Variants in MYOT observed in about 807,000 individuals in gnomAD.
MYOT encodes 57 kDa cytoskeletal protein.
MYOT carries 36 observed loss-of-function variants against 58.0 expected under a neutral mutation model. That is an observed-to-expected ratio of 0.62 (90% CI 0.48 to 0.82). MYOT has a LOEUF of 0.82. Among genes scored for constraint, MYOT ranks in the 40% least tolerant of loss-of-function variants. The probability of loss-of-function intolerance (pLI) is 0.00; values close to 1 mark genes in which losing one functional copy is unlikely to be tolerated. For synonymous variants in MYOT, 218 were observed against 204.6 expected (o/e 1.07, Z -0.56); for missense variants, 505 against 592.1 (o/e 0.85, Z 1.53).
intron 6 of MYOT, 104 bp downstream of exon 6, chr5:137,882,209 A>C: frequency 2.4e-6 from 3 of 1,257,360 alleles, no homozygotes; most frequent in African/African-American, 1.5e-5. Flanking sequence ...AGTACGTACA[A>C]TGGACAAGAA....
Position 137,887,292 on chromosome 5 carries a change from G to C in MYOT, c.1404G>C (p.Gly468=), listed in dbSNP as rs200075800. The change falls in exon 10 of 10, where the codon GGG becomes GGC. Residue 468 remains glycine (G), a synonymous_variant. Transcript: ENST00000239926. The stretch of plus-strand genomic sequence containing the variant: ...TCAGCAAATATTTAGCACTTAATGG[G>C]AAAGGTTTGAATGTAAAACAAGCTT... ...PTFSKYLALN[G]KGLNVKQAFN... The C allele has an allele frequency of 6.8e-6, 11 of 1,614,034 alleles. No individual in the cohort carries two copies. The Admixed American group carries it at 1.7e-4, about 24-fold the overall frequency.
In MYOT at chr5:137,872,907, A is replaced by T. The variant is rs529256668; in HGVS notation, c.356+1900A>T. On this transcript the variant is annotated intron_variant, in intron 2 of 9. Transcript: ENST00000239926. ...CTTCAATTTTCTGGTCTGTAGCAAT[A>T]TTAAAGAGTTAGGTAATTAATGATA... 3.9e-5 allele frequency among the ~76,000 whole-genome samples: 6 copies of T among 152,316 alleles called. No homozygotes were observed. In the South Asian group the frequency reaches 1.2e-3, roughly 32 times the overall value.
At chr5:137,875,018 C>G (rs1755165515) in intron 2 of MYOT, among the ~76,000 whole-genome samples, 1 of 152,182 alleles carries the variant, frequency 6.6e-6, no homozygotes, top group Non-Finnish European at 1.5e-5. Flanking sequence ...GTAAATATTT[C>G]CACCACAACC....
intron 1 of MYOT, among the ~76,000 whole-genome samples, chr5:137,868,184 C>T (rs1218893941): frequency 6.6e-6 from 1 of 152,102 alleles, no homozygotes; most frequent in Non-Finnish European, 1.5e-5. Context: ...ATTTTTAAAT[C>T]ACCATTTTTC....
In MYOT at chr5:137,887,379, A is replaced by T. The variant is rs4835657; in HGVS notation, c.1491A>T (p.Glu497Asp). ...AAQSGLYESE[E>D]L The stretch of plus-strand genomic sequence containing the variant: ...AATCTGGACTCTATGAAAGTGAAGA[A>T]CTTTAATAACTTTACCAACATTGGA... The change falls in exon 10 of 10, where the codon GAA becomes GAT. Residue 497 changes from glutamate (E) to aspartate (D), a missense_variant. By Grantham distance (45) the Glu-to-Asp change is conservative. Coordinates refer to ENST00000239926, the MANE Select transcript of MYOT (RefSeq NM_006790.3). 6.2e-7 allele frequency: 1 copy of T among 1,613,934 alleles called. No homozygotes were observed. Among genetic ancestry groups the T allele is most frequent in the South Asian group, 1.1e-5 (1 of 91,062 alleles).
intron 7 of MYOT, among the ~76,000 whole-genome samples, chr5:137,885,771 CAAAAAAAAAAAAAAAAAAA>C (rs71583286): frequency 6.5e-5 from 2 of 30,974 alleles, no homozygotes; most frequent in African/African-American, 2.1e-4. Context: ...GACTCTGTCT[CAAAAAAAAAAAAAAAAAAA>C]AAAAAAAAAA....
Position 137,871,049 on chromosome 5 carries a change from T to A in MYOT, c.356+42T>A, listed in dbSNP as rs777058671. On this transcript the variant is annotated intron_variant, in intron 2 of 9. Transcript: ENST00000239926. ...ATACCGCATGTACAGTGAACTTATATCTGAGGAGTTTGCGAGGGGGTAGGA... is the reference window on the plus strand; with the variant it reads ...ATACCGCATGTACAGTGAACTTATAACTGAGGAGTTTGCGAGGGGGTAGGA... 5 of 1,555,614 alleles carry A rather than the reference T, an allele frequency of 3.2e-6. No individual in the cohort carries two copies. The East Asian group carries it at 1.1e-4, about 36-fold the overall frequency.
At chr5:137,881,670 C>T (rs879268030) in intron 5 of MYOT, among the ~76,000 whole-genome samples, 10 of 152,054 alleles carry the variant, frequency 6.6e-5, no homozygotes, top group Admixed American at 2.0e-4. Flanking sequence ...TATAGAAAAA[C>T]GTCAAAAACT....
chr5:137,878,472 G>C (rs1356545850), intron 4 of MYOT, among the ~76,000 whole-genome samples: 1 of 151,940 alleles, frequency 6.6e-6, no homozygotes, highest in Non-Finnish European at 1.5e-5. Context: ...TTATAGGCAT[G>C]AGCCACCACG....
chr5:137,883,536 T>G lies in MYOT; in HGVS notation c.969T>G (p.Cys323Trp). The G allele has an allele frequency of 6.2e-7, 1 of 1,614,204 alleles. No individual in the cohort carries two copies. The highest frequency in any genetic ancestry group is 8.5e-7 in the Non-Finnish European group (1 of 1,180,030). ...VRASDAGAYACVAKNRAGEAT... is the reference protein window; with the variant it reads ...VRASDAGAYAWVAKNRAGEAT... ...CTTCAGATGCAGGGGCTTATGCATG[T>G]GTTGCCAAGAATAGAGCAGGAGAAG... The change falls in exon 7 of 10, where the codon TGT (cysteine) becomes TGG (tryptophan). Residue 323 changes from cysteine (C) to tryptophan (W), a missense_variant. Cys to Trp is a radical substitution (Grantham distance 215). Coordinates refer to ENST00000239926, the MANE Select transcript of MYOT (RefSeq NM_006790.3).
chr5:137,874,997 A>G (rs1326717520), intron 2 of MYOT, among the ~76,000 whole-genome samples: 1 of 152,192 alleles, frequency 6.6e-6, no homozygotes, highest in Non-Finnish European at 1.5e-5. Context: ...ATATTTACCG[A>G]TTTCCCTGGT....
chr5:137,870,288 GAC>G (rs35301804), intron 1 of MYOT, among the ~76,000 whole-genome samples, 151 bp from the exon 2 acceptor site: 1,431 of 127,052 alleles, frequency 0.011, 11 homozygotes, highest in East Asian at 0.02. Flanking sequence ...GATTAAGCAA[GAC>G]ACACACACAC....
At chr5:137,876,978 A>G (rs1270282671) in intron 3 of MYOT, among the ~76,000 whole-genome samples, 1 of 152,126 alleles carries the variant, frequency 6.6e-6, no homozygotes, top group Non-Finnish European at 1.5e-5. Context: ...TCATAGGAGC[A>G]AAAAGAAAGC....
intron 8 of MYOT, chr5:137,886,611 A>G: frequency 7.6e-6 from 4 of 528,690 alleles, no homozygotes; most frequent in South Asian, 7.1e-5. Context: ...TCCCCTATAC[A>G]TACGCATAAA....
At chr5:137,887,154 G>A in intron 9 of MYOT, 59 bp from the exon 10 acceptor site, 1 of 1,601,792 alleles carries the variant, frequency 6.2e-7, no homozygotes. Context: ...TAAATACCTA[G>A]TGTGACCAAT....
intron 4 of MYOT, among the ~76,000 whole-genome samples, chr5:137,878,214 A>ATTT (rs889419278): frequency 2.3e-4 from 31 of 133,990 alleles, no homozygotes; most frequent in African/African-American, 7.8e-4. Flanking sequence ...CACCTGATCG[A>ATTT]TTTTTTTTTT....
At chr5:137,882,354 C>A (rs1284240208) in intron 6 of MYOT, among the ~76,000 whole-genome samples, 1 of 151,852 alleles carries the variant, frequency 6.6e-6, no homozygotes, top group African/African-American at 2.4e-5. Context: ...ACAAATACCC[C>A]AAAAAATTAT....
chr5:137,868,391 G>GTT (rs1754936591), intron 1 of MYOT, among the ~76,000 whole-genome samples: 1 of 152,072 alleles, frequency 6.6e-6, no homozygotes, highest in African/African-American at 2.4e-5. Flanking sequence ...GGAATAAAAT[G>GTT]ACCCTGTCAT....
intron 3 of MYOT, chr5:137,876,310 T>C (rs1406258547): frequency 5.3e-6 from 2 of 375,468 alleles, no homozygotes; most frequent in Non-Finnish European, 9.9e-6. Context: ...TACTGTCAAG[T>C]CAACTTAGTG....
Sources: allele counts gnomAD v4.1 joint callset (sites outside exome capture counted in the v4.1 genomes callset), GRCh38; gene constraint gnomAD v4.1.1; transcripts MANE v1.5; gene names NCBI Gene and HGNC (gene_info 2026-07-23, HGNC 2026-07-21).